Variants in IQGAP2 observed in about 807,000 individuals in gnomAD.
The protein encoded by IQGAP2 is IQ motif containing GTPase activating protein 2, also known as ras GTPase-activating-like protein IQGAP2.
In IQGAP2, 173 loss-of-function variants were observed where a neutral mutation model predicts 201.3. That is an observed-to-expected ratio of 0.86 (90% confidence interval 0.76 to 0.98). The LOEUF (loss-of-function observed/expected upper bound fraction) is 0.98, where lower values mean the gene tolerates loss of function less well. Ranked by LOEUF, IQGAP2 falls within the 50% of genes least tolerant of loss-of-function variation. The probability of loss-of-function intolerance (pLI) is 0.00; values close to 1 mark genes in which losing one functional copy is unlikely to be tolerated. For synonymous variants in IQGAP2, 675 were observed against 673.9 expected (o/e 1.00, Z -0.03); for missense variants, 1,687 against 1,864.8 (o/e 0.90, Z 1.76).
At chr5:76,618,327 C>A in intron 13 of IQGAP2, 1 of 1,614,146 alleles carries the variant, frequency 6.2e-7, no homozygotes, top group South Asian at 1.1e-5. Flanking sequence ...TACAGTGGTA[C>A]AGATGGATCT....
At chr5:76,418,769 C>T (rs1751556014) in intron 1 of IQGAP2, among the ~76,000 whole-genome samples, 1 of 152,140 alleles carries the variant, frequency 6.6e-6, no homozygotes. Context: ...AATCTGATGA[C>T]AGAGATCCTC....
intron 2 of IQGAP2, chr5:76,547,470 T>C: frequency 2.1e-6 from 2 of 960,874 alleles, no homozygotes; most frequent in Non-Finnish European, 2.5e-6. Flanking sequence ...ACAATGATCT[T>C]ATTAAGCTTG....
At chr5:76,515,870 ATC>A (rs1222257145) in intron 2 of IQGAP2, among the ~76,000 whole-genome samples, 278 of 121,858 alleles carry the variant, frequency 2.3e-3, no homozygotes, top group African/African-American at 9.7e-3. Flanking sequence ...CAAGGGGGTG[ATC>A]TTTTTTTTTT....
chr5:76,654,661 G>T (rs1455862098), intron 19 of IQGAP2, among the ~76,000 whole-genome samples: 1 of 152,236 alleles, frequency 6.6e-6, no homozygotes, highest in Non-Finnish European at 1.5e-5. Context: ...ACATAGATTG[G>T]ATCATCTAAG....
chr5:76,634,004 G>A (rs1276426867), intron 15 of IQGAP2, among the ~76,000 whole-genome samples: 2 of 151,360 alleles, frequency 1.3e-5, no homozygotes, highest in African/African-American at 4.9e-5. Flanking sequence ...GAATATTCAT[G>A]TCCAGGTTTT....
rs765148466 is a variant in IQGAP2, at chr5:76,611,162, T to A, written c.1500T>A (p.His500Gln). Reference protein sequence around the residue: ...HAQHYQDVLYHAKSQKLGDSE... With the variant: ...HAQHYQDVLYQAKSQKLGDSE... ...AGCACTACCAGGATGTTTTATACCA[T>A]GCTAAATCACAGAAACTCGGAGTAA... The change falls in exon 13 of 36, where the codon CAT becomes CAA. Residue 500 changes from histidine to glutamine, a missense_variant. Coordinates refer to ENST00000274364, the MANE Select transcript of IQGAP2 (RefSeq NM_006633.5). The A allele has an allele frequency of 1.2e-6, 2 of 1,609,652 alleles. No homozygotes were observed. Among genetic ancestry groups the A allele is most frequent in the Non-Finnish European group, 8.5e-7 (1 of 1,178,858 alleles).
intron 1 of IQGAP2, among the ~76,000 whole-genome samples, chr5:76,448,909 C>T (rs993459457): frequency 6.6e-6 from 1 of 152,198 alleles, no homozygotes; most frequent in African/African-American, 2.4e-5. Flanking sequence ...TGTTCCAAGT[C>T]AGCCACCTTG....
rs11553735 is a variant in IQGAP2, at chr5:76,611,057, T to C, written c.1395T>C (p.Asp465=). 1.9e-6 allele frequency: 3 copies of C among 1,613,718 alleles called. No individual in the cohort carries two copies. Among genetic ancestry groups the C allele is most frequent in the African/African-American group, 2.7e-5 (2 of 74,932 alleles). Residue 465 remains aspartate (D), a synonymous_variant, in exon 13 of 36, where the codon GAT becomes GAC. Coordinates refer to ENST00000274364, the MANE Select transcript of IQGAP2 (RefSeq NM_006633.5). ...TAGGGTACATCAATGAAGCTATTGATGAAGGGAATCCTTTGAGGACTTTAG... is the reference window on the plus strand; with the variant it reads ...TAGGGTACATCAATGAAGCTATTGACGAAGGGAATCCTTTGAGGACTTTAG... ...VAVGYINEAI[D]EGNPLRTLET...
chr5:76,596,417 A>T (rs142078933), intron 9 of IQGAP2, among the ~76,000 whole-genome samples: 1 of 152,336 alleles, frequency 6.6e-6, no homozygotes, highest in Non-Finnish European at 1.5e-5. Context: ...TCTGAAAACT[A>T]TGCTGAATCT....
intron 35 of IQGAP2, among the ~76,000 whole-genome samples, chr5:76,706,412 A>G (rs769090458): frequency 3.3e-5 from 5 of 152,006 alleles, no homozygotes; most frequent in Non-Finnish European, 5.9e-5. Context: ...CAGCAGTGCA[A>G]TCTCGGCTCG....
intron 2 of IQGAP2, among the ~76,000 whole-genome samples, chr5:76,468,888 T>C (rs992809936): frequency 3.3e-5 from 5 of 152,134 alleles, no homozygotes; most frequent in Admixed American, 2.0e-4. Flanking sequence ...TATCCTTCTC[T>C]GGCTTCCACA....
intron 2 of IQGAP2, among the ~76,000 whole-genome samples, chr5:76,548,683 A>C (rs1743248694): frequency 6.6e-6 from 1 of 152,190 alleles, no homozygotes; most frequent in African/African-American, 2.4e-5. Context: ...TATCAATCTC[A>C]TCAGATTAGT....
At chr5:76,540,031 C>T (rs1256918700) in intron 2 of IQGAP2, among the ~76,000 whole-genome samples, 1 of 152,018 alleles carries the variant, frequency 6.6e-6, no homozygotes, top group Non-Finnish European at 1.5e-5. Flanking sequence ...GTAGGGGTCT[C>T]CATGGACATC....
At chr5:76,424,999 G>A (rs919489541) in intron 1 of IQGAP2, among the ~76,000 whole-genome samples, 2 of 152,186 alleles carry the variant, frequency 1.3e-5, no homozygotes, top group Non-Finnish European at 2.9e-5. Context: ...AGGAGAGCAC[G>A]GTGCATGGAG....
At chr5:76,577,143 G>T (rs936385128) in intron 5 of IQGAP2, among the ~76,000 whole-genome samples, 6 of 152,152 alleles carry the variant, frequency 3.9e-5, no homozygotes, top group South Asian at 4.1e-4. Flanking sequence ...GGGCTGTCTC[G>T]TATAAGTTTC....
chr5:76,478,797 G>T (rs139640300), intron 2 of IQGAP2, among the ~76,000 whole-genome samples: 1 of 152,070 alleles, frequency 6.6e-6, no homozygotes. Context: ...GCGCAATGAC[G>T]GAATCACCTA....
intron 7 of IQGAP2, 98 bp downstream of exon 7, chr5:76,589,826 C>A (rs1746519934): frequency 3.5e-6 from 2 of 567,510 alleles, no homozygotes; most frequent in Non-Finnish European, 5.9e-6. Context: ...TTAGAAGATA[C>A]TTTAAGCACC....
At chr5:76,487,083 T>C (rs1258218684) in intron 2 of IQGAP2, among the ~76,000 whole-genome samples, 6 of 147,898 alleles carry the variant, frequency 4.1e-5, no homozygotes, top group Non-Finnish European at 8.9e-5. Flanking sequence ...TGTAAATGTT[T>C]ATTGGTATTT....
At chr5:76,642,557 A>G (rs1178675068) in intron 17 of IQGAP2, among the ~76,000 whole-genome samples, 2 of 152,188 alleles carry the variant, frequency 1.3e-5, no homozygotes, top group East Asian at 3.8e-4. Context: ...TAATACAGTT[A>G]ATAGGAACCT....
Sources: gnomAD v4.1 joint callset for allele counts (sites outside exome capture counted in the v4.1 genomes callset) on GRCh38, gnomAD v4.1.1 for gene constraint, MANE v1.5 for transcripts, NCBI Gene and HGNC (gene_info 2026-07-23, HGNC 2026-07-21) for gene names.